Variants in ARHGAP44 observed in about 807,000 individuals in gnomAD.
ARHGAP44 encodes Rho GTPase activating protein 44.
Under a neutral mutation model 106.8 loss-of-function variants are expected in ARHGAP44, and 43 were observed. That is an observed-to-expected ratio of 0.40 (90% confidence interval 0.32 to 0.52). The LOEUF (loss-of-function observed/expected upper bound fraction) is 0.52, where lower values mean the gene tolerates loss of function less well. Among genes scored for constraint, ARHGAP44 ranks in the 20% least tolerant of loss-of-function variants. The pLI is 0.48. For missense variants in ARHGAP44, 866 were observed against 1,050.5 expected (o/e 0.82, Z 2.43); for synonymous variants, 439 against 410.3 (o/e 1.07, Z -0.85).
At chr17:12,890,327 T>A (rs1376783279) in intron 1 of ARHGAP44, among the ~76,000 whole-genome samples, 2 of 152,172 alleles carry the variant, frequency 1.3e-5, no homozygotes, top group African/African-American at 2.4e-5. Context: ...TCTCCAAAAA[T>A]GTATACCTCC....
At chr17:12,813,171 T>TG (rs2034488886) in intron 1 of ARHGAP44, among the ~76,000 whole-genome samples, 1 of 152,170 alleles carries the variant, frequency 6.6e-6, no homozygotes. Context: ...CTGCCCTGGG[T>TG]GGGAGTGGAA....
intron 1 of ARHGAP44, among the ~76,000 whole-genome samples, chr17:12,810,507 G>T (rs1368568630): frequency 6.6e-6 from 1 of 152,164 alleles, no homozygotes; most frequent in Non-Finnish European, 1.5e-5. Flanking sequence ...TCACCAGAAA[G>T]GACAACCATG....
At chr17:12,970,075 T>C (rs557295692) in intron 16 of ARHGAP44, among the ~76,000 whole-genome samples, 1 of 152,284 alleles carries the variant, frequency 6.6e-6, no homozygotes, top group African/African-American at 2.4e-5. Flanking sequence ...TGAGGACTTA[T>C]CACCTGACTC....
In ARHGAP44 at chr17:12,972,165, T is replaced by C. The variant is rs140409287; in HGVS notation, c.1524-1137T>C. On this transcript the variant is annotated intron_variant, in intron 16 of 20. Coordinates refer to ENST00000379672, the MANE Select transcript of ARHGAP44 (RefSeq NM_014859.6). ...CCTATCTCTCTGTGCAGATACGTGA[T>C]AGAGACAAATGCTGGTTGGGAGTAT... Among the ~76,000 whole-genome samples, 716 of 152,286 alleles carry C rather than the reference T, an allele frequency of 4.7e-3. 2 individuals are homozygous for C. The highest frequency in any genetic ancestry group is 0.014 in the African/African-American group (571 of 41,556).
chr17:12,931,879 C>T (rs1028286328), intron 7 of ARHGAP44, among the ~76,000 whole-genome samples: 8 of 139,256 alleles, frequency 5.7e-5, no homozygotes, highest in South Asian at 4.8e-4. Flanking sequence ...CACACACACA[C>T]ATATCATGAT....
In ARHGAP44 at chr17:12,949,286, G is replaced by C; in HGVS notation, c.973+35G>C. On this transcript the variant is annotated intron_variant, in intron 11 of 20. Coordinates refer to ENST00000379672, the MANE Select transcript of ARHGAP44 (RefSeq NM_014859.6). This position sits in a 1 kb window ranked among gnomAD's most constrained non-coding sequence, Gnocchi z 4.1. Reference sequence around the variant, plus strand: ...TCTCAGCGCTCCTGTGTGCCATGGAGGCTCACAGGGAAGGGGTAGAGGGGA... The same window carrying C: ...TCTCAGCGCTCCTGTGTGCCATGGACGCTCACAGGGAAGGGGTAGAGGGGA... The C allele has an allele frequency of 6.5e-7, 1 of 1,541,868 alleles. No individual in the cohort carries two copies. Among genetic ancestry groups the C allele is most frequent in the South Asian group, 1.2e-5 (1 of 83,868 alleles).
Position 12,868,591 on chromosome 17 carries a change from T to TTATATATATATATATA in ARHGAP44, c.54-26323_54-26308dup, listed in dbSNP as rs1209692482. Among the ~76,000 whole-genome samples, 68 of 47,022 alleles carry TTATATATATATATATA rather than the reference T, an allele frequency of 1.4e-3. 1 individual carries two copies. The highest frequency in any genetic ancestry group is 2.3e-3 in the Non-Finnish European group (52 of 22,410). The allele number at this position is 47,022 out of a possible 152,430, so 30.8% of individuals were successfully genotyped here. A position where few individuals can be genotyped will look rare whatever the true frequency, so the allele number is the denominator to read the frequency against. ...ATTTAAAAAGTCATATATATGCATT[T>TTATATATATATATATA]TATATATATATATATATATATATAT... On this transcript the variant is annotated intron_variant, in intron 1 of 20. Transcript: ENST00000379672.
intron 1 of ARHGAP44, among the ~76,000 whole-genome samples, chr17:12,871,827 G>A (rs1333858185): frequency 5.3e-5 from 8 of 152,178 alleles, no homozygotes. Context: ...TGTAAGATGT[G>A]CCTGTTTCCC....
At chr17:12,977,452 C>A (rs1213922419) in intron 18 of ARHGAP44, among the ~76,000 whole-genome samples, 5 of 152,130 alleles carry the variant, frequency 3.3e-5, no homozygotes, top group African/African-American at 4.8e-5. Context: ...CAGGCCCCAC[C>A]TTCAGTTCTT....
chr17:12,894,206 CTG>C (rs896032263), intron 1 of ARHGAP44, among the ~76,000 whole-genome samples: 33 of 149,232 alleles, frequency 2.2e-4, no homozygotes, highest in African/African-American at 4.5e-4. Flanking sequence ...TGTGAATTTG[CTG>C]TGTTTGTGTG....
chr17:12,974,136 C>T lies in ARHGAP44; in HGVS notation c.1589C>T (p.Ser530Phe), dbSNP rs374701133. 6 of 1,566,706 alleles carry T rather than the reference C, an allele frequency of 3.8e-6. No individual in the cohort carries two copies. Among genetic ancestry groups the T allele is most frequent in the South Asian group, 1.2e-5 (1 of 85,144 alleles). ...MDTNWVARRG[S>F]SAGRKVSCAP... ...ACAAACTGGGTGGCTCGAAGAGGCT[C>T]CTCGGCCGGTCGGAAAGTGTCCTGC... is the stretch of plus-strand genomic sequence containing the variant. The change falls in exon 18 of 21, where the codon TCC (serine) becomes TTC (phenylalanine). Residue 530 changes from serine to phenylalanine, a missense_variant. Coordinates refer to ENST00000379672, the MANE Select transcript of ARHGAP44 (RefSeq NM_014859.6).
intron 12 of ARHGAP44, among the ~76,000 whole-genome samples, chr17:12,950,358 G>A (rs559269576): frequency 2.0e-5 from 3 of 152,248 alleles, no homozygotes; most frequent in Non-Finnish European, 2.9e-5. Flanking sequence ...GGCAGCAGCA[G>A]CCTCTCTCTC....
rs1237632536 is a variant in ARHGAP44 at position 12,974,188 on chromosome 17, C to T, written c.1641C>T (p.Ala547=). 2 of 1,549,356 alleles carry T rather than the reference C, an allele frequency of 1.3e-6. No individual in the cohort carries two copies. The highest frequency in any genetic ancestry group is 8.7e-7 in the Non-Finnish European group (1 of 1,147,090). The stretch of plus-strand genomic sequence containing the variant: ...CCCCGCCCTCCATGCAGCCTCCCGC[C>T]CCGCCCGCCGAGCTGGCTGCGCCCC... The part of the protein sequence containing the change: ...SCAPPSMQPP[A]PPAELAAPLP... Residue 547 remains alanine (A), a synonymous_variant, in exon 18 of 21, where the codon GCC becomes GCT. Coordinates refer to ENST00000379672, the MANE Select transcript of ARHGAP44 (RefSeq NM_014859.6).
chr17:12,825,905 A>G (rs896573411), intron 1 of ARHGAP44, among the ~76,000 whole-genome samples: 2 of 152,130 alleles, frequency 1.3e-5, no homozygotes, highest in African/African-American at 4.8e-5. Context: ...GAGAGCGTTA[A>G]CTTTCTACTT....
At chr17:12,868,682 A>G (rs2036313575) in intron 1 of ARHGAP44, among the ~76,000 whole-genome samples, 2 of 141,472 alleles carry the variant, frequency 1.4e-5, no homozygotes, top group South Asian at 4.5e-4. Context: ...TCTGAGACGG[A>G]GTTTTGCTCT....
intron 1 of ARHGAP44, among the ~76,000 whole-genome samples, chr17:12,821,347 GTT>G (rs2034764973): frequency 6.6e-6 from 1 of 152,156 alleles, no homozygotes; most frequent in African/African-American, 2.4e-5. Flanking sequence ...GATTATTGTG[GTT>G]TTTGTTTATA....
chr17:12,835,221 G>A (rs545881781), intron 1 of ARHGAP44, among the ~76,000 whole-genome samples: 1 of 152,270 alleles, frequency 6.6e-6, no homozygotes, highest in East Asian at 1.9e-4. Context: ...TGATCAAATG[G>A]TGTCAGTTAG....
intron 1 of ARHGAP44, among the ~76,000 whole-genome samples, chr17:12,843,989 G>A (rs887708879): frequency 4.6e-5 from 7 of 152,146 alleles, no homozygotes; most frequent in South Asian, 2.1e-4. Context: ...TCTTGACTGA[G>A]CTCAAACTCA....
At chr17:12,903,174 T>TGTGC (rs2037446297) in intron 3 of ARHGAP44, among the ~76,000 whole-genome samples, 1 of 145,914 alleles carries the variant, frequency 6.9e-6, no homozygotes, top group Non-Finnish European at 1.5e-5. Context: ...TGTGTGTGTG[T>TGTGC]GTGTGTGTGT....
Sources: gnomAD v4.1 joint callset for allele counts (sites outside exome capture counted in the v4.1 genomes callset) on GRCh38, gnomAD v4.1.1 for gene constraint, Gnocchi (gnomAD v3.1) non-coding constraint, MANE v1.5 for transcripts, NCBI Gene and HGNC (gene_info 2026-07-23, HGNC 2026-07-21) for gene names.